Variants in TCF23 observed in about 807,000 individuals in gnomAD.
The protein encoded by TCF23 is class A basic helix-loop-helix protein 24.
Under a neutral mutation model 13.0 loss-of-function variants are expected in TCF23, and 7 were observed. That is an observed-to-expected ratio of 0.54 (90% CI 0.31 to 1.01). The LOEUF (loss-of-function observed/expected upper bound fraction) is 1.01. Ranked by LOEUF, TCF23 falls within the 50% of genes least tolerant of loss-of-function variation. TCF23 has a pLI of 0.06. For synonymous variants in TCF23, 122 were observed against 119.5 expected (o/e 1.02, Z -0.14); for missense variants, 257 against 289.8 (o/e 0.89, Z 0.82).
intron 1 of TCF23, 161 bp from the exon 2 acceptor site, chr2:27,149,962 A>G: frequency 8.1e-7 from 1 of 1,239,460 alleles, no homozygotes; most frequent in East Asian, 2.4e-5. Flanking sequence ...TCAGCTGTGA[A>G]ACGCGGCAGG....
chr2:27,150,379 C>T lies in TCF23; in HGVS notation c.465+14C>T, dbSNP rs1341353827. On this transcript the variant is annotated intron_variant, in intron 2 of 2. Transcript: ENST00000296096. The surrounding 1 kb of genome is among the most constrained non-coding windows in gnomAD (Gnocchi z 4.1). ...CACCCTCTCAAGGTAAGTCACAAGC[C>T]CTGGGACTTGAGAGGCGGATCTTAA... 6.2e-7 allele frequency: 1 copy of T among 1,607,336 alleles called. No individual in the cohort carries two copies. The highest frequency in any genetic ancestry group is 8.5e-7 in the Non-Finnish European group (1 of 1,174,980).
chr2:27,150,384 G>A lies in TCF23; in HGVS notation c.465+19G>A, dbSNP rs1672745259. On this transcript the variant is annotated intron_variant, in intron 2 of 2. Transcript: ENST00000296096. The surrounding 1 kb of genome is among the most constrained non-coding windows in gnomAD (Gnocchi z 4.1). ...TCTCAAGGTAAGTCACAAGCCCTGG[G>A]ACTTGAGAGGCGGATCTTAATGCCC... The A allele has an allele frequency of 1.9e-6, 3 of 1,605,930 alleles. No homozygotes were observed. The highest frequency in any genetic ancestry group is 3.3e-5 in the Admixed American group (2 of 59,850).
rs1358189332 is a variant in TCF23, at chr2:27,150,732, A to T, written c.465+367A>T. On this transcript the variant is annotated intron_variant, in intron 2 of 2. Coordinates refer to ENST00000296096, the MANE Select transcript of TCF23 (RefSeq NM_175769.3). This position sits in a 1 kb window ranked among gnomAD's most constrained non-coding sequence, Gnocchi z 4.1. ...CTAGATCCCCATGCAGCTTCAGCCCATTGTGCCTGCCTTGGTGCTTTCTAG... is the reference window on the plus strand; with the variant it reads ...CTAGATCCCCATGCAGCTTCAGCCCTTTGTGCCTGCCTTGGTGCTTTCTAG... Among the ~76,000 whole-genome samples the T allele has an allele frequency of 6.6e-6, 1 of 152,146 alleles. No homozygotes were observed. Among genetic ancestry groups the T allele is most frequent in the Non-Finnish European group, 1.5e-5 (1 of 68,014 alleles).
In TCF23 at chr2:27,150,419, G is replaced by A; in HGVS notation, c.465+54G>A. On this transcript the variant is annotated intron_variant, in intron 2 of 2. Transcript: ENST00000296096. This position sits in a 1 kb window ranked among gnomAD's most constrained non-coding sequence, Gnocchi z 4.1. ...GCGGATCTTAATGCCCAGGGCCTTGGAGAAAGGGATTGGAATGAGGGGGGA... is the reference window on the plus strand; with the variant it reads ...GCGGATCTTAATGCCCAGGGCCTTGAAGAAAGGGATTGGAATGAGGGGGGA... The A allele has an allele frequency of 1.3e-6, 2 of 1,593,060 alleles. No homozygotes were observed. Among genetic ancestry groups the A allele is most frequent in the Non-Finnish European group, 1.7e-6 (2 of 1,165,494 alleles).
chr2:27,150,316 C>T lies in TCF23; in HGVS notation c.416C>T (p.Pro139Leu). 2 of 1,613,762 alleles carry T rather than the reference C, an allele frequency of 1.2e-6. No homozygotes were observed. Among genetic ancestry groups the T allele is most frequent in the Non-Finnish European group, 8.5e-7 (1 of 1,180,010 alleles). Residue 139 changes from proline (P) to leucine (L), a missense_variant, in exon 2 of 3, where the codon CCT (proline) becomes CTT (leucine). By Grantham distance (98) the Pro-to-Leu change is moderately conservative. Coordinates refer to ENST00000296096, the MANE Select transcript of TCF23 (RefSeq NM_175769.3). This position sits in a 1 kb window ranked among gnomAD's most constrained non-coding sequence, Gnocchi z 4.1. ...ACACTCGGCCACGAGTTGCCTGGCC[C>T]TGCCTGGCCGCCCTTCCTGCGTGGA... ...TRTLGHELPGPAWPPFLRGLR... is the reference protein window; with the variant it reads ...TRTLGHELPGLAWPPFLRGLR...
Position 27,149,264 on chromosome 2 carries a change from CG to C in TCF23, c.132del (p.Trp45GlyfsTer81). 1 of 1,591,308 alleles carries C rather than the reference CG, an allele frequency of 6.3e-7. No individual in the cohort carries two copies. Among genetic ancestry groups the C allele is most frequent in the East Asian group, 2.3e-5 (1 of 43,860 alleles). ...CGCCTCAGCAGGACAAGGCAGGACC[CG>C]TGGGAAGAAAGAAGCTGGAGCAACC... ...RSRLSRTRQD[P>X]WEERSWSNQR... On this transcript the variant is annotated frameshift_variant, in exon 1 of 3. Transcript: ENST00000296096. LOFTEE classifies it high-confidence loss of function.
In TCF23 at chr2:27,154,000, C is replaced by A. The variant is rs1406594195; in HGVS notation, c.*1133C>A. 2.6e-5 allele frequency: 4 copies of A among 152,242 alleles called. No homozygotes were observed. The highest frequency in any genetic ancestry group is 9.6e-5 in the African/African-American group (4 of 41,454). 9.4% of individuals were successfully genotyped at this position (152,242 alleles called of 1,614,324 possible). A position where few individuals can be genotyped will look rare whatever the true frequency, so the allele number is the denominator to read the frequency against. ...GCCTGCCTTCAACTGCTCAACCACT[C>A]AATTGGCTCCTTGTAAAATTTGTGT... On this transcript the variant is annotated 3_prime_UTR_variant, in exon 3 of 3. Coordinates refer to ENST00000296096, the MANE Select transcript of TCF23 (RefSeq NM_175769.3).
intron 1 of TCF23, chr2:27,149,766 T>C: frequency 1.6e-6 from 1 of 616,378 alleles, no homozygotes; most frequent in South Asian, 1.5e-5. Flanking sequence ...AAACAGGGTG[T>C]AGCTCTGAAC....
chr2:27,152,837 A>G lies in TCF23; in HGVS notation c.615A>G (p.Thr205=). ...PGEADALLST[T]PLSPALGDK ...AGGCAGATGCTCTCCTTTCCACCACACCACTCTCACCAGCTCTTGGTGACA... is the reference window on the plus strand; with the variant it reads ...AGGCAGATGCTCTCCTTTCCACCACGCCACTCTCACCAGCTCTTGGTGACA... The change falls in exon 3 of 3, where the codon ACA becomes ACG. Residue 205 remains threonine, a synonymous_variant. Coordinates refer to ENST00000296096, the MANE Select transcript of TCF23 (RefSeq NM_175769.3). The G allele has an allele frequency of 6.2e-7, 1 of 1,613,682 alleles. No homozygotes were observed. The highest frequency in any genetic ancestry group is 8.5e-7 in the Non-Finnish European group (1 of 1,179,842).
chr2:27,152,523 G>GCTGA (rs1672775551), intron 2 of TCF23, among the ~76,000 whole-genome samples, 165 bp from the exon 3 acceptor site: 1 of 152,208 alleles, frequency 6.6e-6, no homozygotes, highest in Admixed American at 6.5e-5. Context: ...GTGATCAGGA[G>GCTGA]AATGTGTGGG....
chr2:27,150,179 C>T lies in TCF23; in HGVS notation c.279C>T (p.Arg93=). 2 of 1,612,084 alleles carry T rather than the reference C, an allele frequency of 1.2e-6. No homozygotes were observed. The highest frequency in any genetic ancestry group is 8.5e-7 in the Non-Finnish European group (1 of 1,179,900). The stretch of plus-strand genomic sequence containing the variant: ...AGCGGAGCCGGGTCAGGACGCTGCG[C>T]CAGGCCTTCTTGGCCTTGCAGGCTG... ...ARERSRVRTL[R]QAFLALQAAL... is the part of the protein sequence containing the mutation. Residue 93 remains arginine (R), a synonymous_variant, in exon 2 of 3, where the codon CGC becomes CGT. Transcript: ENST00000296096. The surrounding 1 kb of genome is among the most constrained non-coding windows in gnomAD (Gnocchi z 4.1).
chr2:27,151,361 G>C (rs973956259), intron 2 of TCF23, among the ~76,000 whole-genome samples: 2 of 152,066 alleles, frequency 1.3e-5, no homozygotes, highest in Admixed American at 6.6e-5. Context: ...TTGAGACAGA[G>C]TTTCACTCTG....
rs1189731885 is a variant in TCF23 at position 27,149,256 on chromosome 2, G to C, written c.123G>C (p.Arg41Ser). ...AGAGGAGCCGCCTCAGCAGGACAAG[G>C]CAGGACCCGTGGGAAGAAAGAAGCT... ...DRKRSRLSRTRQDPWEERSWS... is the reference protein window; with the variant it reads ...DRKRSRLSRTSQDPWEERSWS... Residue 41 changes from arginine (R) to serine (S), a missense_variant, in exon 1 of 3, where the codon AGG becomes AGC. Coordinates refer to ENST00000296096, the MANE Select transcript of TCF23 (RefSeq NM_175769.3). 6.3e-7 allele frequency: 1 copy of C among 1,587,248 alleles called. No homozygotes were observed. The highest frequency in any genetic ancestry group is 1.3e-5 in the African/African-American group (1 of 74,532).
Position 27,150,281 on chromosome 2 carries a change from C to T in TCF23, c.381C>T (p.His127=), listed in dbSNP as rs1386630320. Residue 127 remains histidine, a synonymous_variant, in exon 2 of 3, where the codon CAC becomes CAT. Coordinates refer to ENST00000296096, the MANE Select transcript of TCF23 (RefSeq NM_175769.3). The surrounding 1 kb of genome is among the most constrained non-coding windows in gnomAD (Gnocchi z 4.1). ...VLVLAASYIA[H]LTRTLGHELP... ...TGCTCGCCGCCAGCTACATAGCCCA[C>T]CTCACCCGCACACTCGGCCACGAGT... is the stretch of plus-strand genomic sequence containing the variant. 7 of 1,613,826 alleles carry T rather than the reference C, an allele frequency of 4.3e-6. No homozygotes were observed. The highest frequency in any genetic ancestry group is 1.1e-5 in the South Asian group (1 of 91,080).
At chr2:27,149,970 A>G (rs1300036492) in intron 1 of TCF23, 153 bp from the exon 2 acceptor site, 2 of 1,288,080 alleles carry the variant, frequency 1.6e-6, no homozygotes, top group East Asian at 4.7e-5. Context: ...GAAACGCGGC[A>G]GGGCTGCAGA....
chr2:27,152,745 T>G lies in TCF23; in HGVS notation c.523T>G (p.Ser175Ala). 6.2e-7 allele frequency: 1 copy of G among 1,614,112 alleles called. No homozygotes were observed. The highest frequency in any genetic ancestry group is 2.2e-5 in the East Asian group (1 of 44,868). ...AGGCCTGGGGTACTCCGATCTTGAC[T>G]CCACCACAGCCAGCACCCCCAGCCA... Reference protein sequence around the residue: ...AGGLGYSDLDSTTASTPSQRT... With the variant: ...AGGLGYSDLDATTASTPSQRT... The change falls in exon 3 of 3, where the codon TCC (serine) becomes GCC (alanine). Residue 175 changes from serine to alanine, a missense_variant. Transcript: ENST00000296096.
chr2:27,152,088 T>C (rs554934496), intron 2 of TCF23, among the ~76,000 whole-genome samples: 1 of 152,234 alleles, frequency 6.6e-6, no homozygotes, highest in Admixed American at 6.5e-5. Flanking sequence ...CGCTGTAAAA[T>C]AGTGACCAAG....
At chr2:27,149,671 T>C (rs765555413) in intron 1 of TCF23, 3 of 601,322 alleles carry the variant, frequency 5.0e-6, no homozygotes, top group South Asian at 3.0e-5. Context: ...GCCTGTGTGC[T>C]TTGACCCCTG....
intron 2 of TCF23, among the ~76,000 whole-genome samples, chr2:27,151,758 C>A (rs906443798): frequency 6.6e-6 from 1 of 152,122 alleles, no homozygotes; most frequent in Admixed American, 6.5e-5. Context: ...ACCTCAGCTT[C>A]CCCAGTAGCT....
Sources: allele counts gnomAD v4.1 joint callset (sites outside exome capture counted in the v4.1 genomes callset), GRCh38; gene constraint gnomAD v4.1.1; non-coding constraint Gnocchi (gnomAD v3.1); transcripts MANE v1.5; gene names NCBI Gene and HGNC (gene_info 2026-07-23, HGNC 2026-07-21).